CSNK2A2IP: variants seen among roughly 807,000 people sequenced by gnomAD.
CSNK2A2IP encodes casein kinase II subunit alpha'-interacting protein.
At chr3:88,346,888 G>A in the CSNK2A2IP span, among the ~76,000 whole-genome samples, 1 of 151,964 alleles carries the variant, frequency 6.6e-6, no homozygotes, top group Admixed American at 6.6e-5. Context: ...GATTCCTCTG[G>A]TGGGTCTAGG....
At chr3:88,407,445 TGAG>T in the CSNK2A2IP span, among the ~76,000 whole-genome samples, 2 of 152,036 alleles carry the variant, frequency 1.3e-5, no homozygotes. Context: ...GCTAGCAAAA[TGAG>T]GAGTGGACAT....
chr3:88,434,070 T>A, the CSNK2A2IP span, among the ~76,000 whole-genome samples: 1 of 152,050 alleles, frequency 6.6e-6, no homozygotes, highest in Non-Finnish European at 1.5e-5. Flanking sequence ...AAAATTTAGA[T>A]AAAAAAATGA....
chr3:88,350,990 T>A, the CSNK2A2IP span, among the ~76,000 whole-genome samples: 9 of 152,126 alleles, frequency 5.9e-5, no homozygotes, highest in Non-Finnish European at 1.3e-4. Context: ...ATAGAAAATG[T>A]AATTTGAAAC....
At chr3:88,341,961 T>C in the CSNK2A2IP span, among the ~76,000 whole-genome samples, 1 of 151,998 alleles carries the variant, frequency 6.6e-6, no homozygotes, top group South Asian at 2.1e-4. Context: ...TAAATGTCAA[T>C]AGGTATTATT....
chr3:88,416,707 A>T, the CSNK2A2IP span, among the ~76,000 whole-genome samples: 1 of 152,214 alleles, frequency 6.6e-6, no homozygotes, highest in Non-Finnish European at 1.5e-5. Context: ...GCTCAGTTCA[A>T]GACAACATAT....
the CSNK2A2IP span, among the ~76,000 whole-genome samples, chr3:88,405,282 C>A: frequency 6.6e-6 from 1 of 152,118 alleles, no homozygotes; most frequent in Non-Finnish European, 1.5e-5. Context: ...ATAATTTTTT[C>A]TTTAACAGGA....
chr3:88,456,063 G>A, the CSNK2A2IP span, among the ~76,000 whole-genome samples: 1 of 151,900 alleles, frequency 6.6e-6, no homozygotes, highest in African/African-American at 2.4e-5. Context: ...TAGCTTATGT[G>A]TCTAATTTTA....
the CSNK2A2IP span, among the ~76,000 whole-genome samples, chr3:88,385,808 T>C: frequency 1.3e-5 from 2 of 152,134 alleles, no homozygotes; most frequent in African/African-American, 4.8e-5. Context: ...GATGAATTTA[T>C]AAGGTGATTT....
chr3:88,415,935 A>C, the CSNK2A2IP span, among the ~76,000 whole-genome samples: 1 of 152,104 alleles, frequency 6.6e-6, no homozygotes, highest in Non-Finnish European at 1.5e-5. Flanking sequence ...TTCAGAAACA[A>C]AGAAGCCAAA....
chr3:88,457,925 A>C, the CSNK2A2IP span, among the ~76,000 whole-genome samples: 17 of 151,712 alleles, frequency 1.1e-4, no homozygotes, highest in Non-Finnish European at 1.3e-4. Context: ...CTCAAATTCA[A>C]CTTATTTACT....
At chr3:88,354,388 T>G in the CSNK2A2IP span, among the ~76,000 whole-genome samples, 1 of 152,198 alleles carries the variant, frequency 6.6e-6, no homozygotes, top group African/African-American at 2.4e-5. Context: ...ACTATTACTA[T>G]TTTTTAAATC....
chr3:88,465,317 C>A, the CSNK2A2IP span: 2 of 1,190,388 alleles, frequency 1.7e-6, no homozygotes, highest in Non-Finnish European at 1.1e-6. Flanking sequence ...ATCATCCCCA[C>A]AAGCCAACTG....
At chr3:88,396,397 G>A in the CSNK2A2IP span, among the ~76,000 whole-genome samples, 1 of 152,100 alleles carries the variant, frequency 6.6e-6, no homozygotes, top group African/African-American at 2.4e-5. Flanking sequence ...GAGCCACCGC[G>A]CCCGGCCGAC....
chr3:88,460,035 A>T, the CSNK2A2IP span, among the ~76,000 whole-genome samples: 1 of 152,186 alleles, frequency 6.6e-6, no homozygotes, highest in Non-Finnish European at 1.5e-5. Context: ...GCAGTTTCAT[A>T]GAACAAACGG....
At chr3:88,398,588 C>T in the CSNK2A2IP span, among the ~76,000 whole-genome samples, 3 of 152,092 alleles carry the variant, frequency 2.0e-5, no homozygotes, top group African/African-American at 7.2e-5. Context: ...AAACTCTTTC[C>T]ACTCTGCTGG....
chr3:88,381,489 T>C, the CSNK2A2IP span, among the ~76,000 whole-genome samples: 33 of 152,016 alleles, frequency 2.2e-4, no homozygotes, highest in African/African-American at 7.2e-4. Context: ...CTGTTGGAGG[T>C]AGGTGGTGGT....
chr3:88,347,941 CT>C, the CSNK2A2IP span, among the ~76,000 whole-genome samples: 5 of 151,902 alleles, frequency 3.3e-5, no homozygotes, highest in African/African-American at 1.2e-4. Flanking sequence ...TTTTGTTCCT[CT>C]TTTATCTCTC....
At chr3:88,388,434 T>C in the CSNK2A2IP span, among the ~76,000 whole-genome samples, 1 of 152,234 alleles carries the variant, frequency 6.6e-6, no homozygotes, top group Non-Finnish European at 1.5e-5. Flanking sequence ...CAAAATGTAG[T>C]GTCAAAATGT....
At chr3:88,425,410 A>G in the CSNK2A2IP span, among the ~76,000 whole-genome samples, 2 of 152,138 alleles carry the variant, frequency 1.3e-5, no homozygotes, top group African/African-American at 2.4e-5. Context: ...TAATAAAAAT[A>G]TCAGTTTTAG....
Sources: gnomAD v4.1 joint callset for allele counts (sites outside exome capture counted in the v4.1 genomes callset) on GRCh38, gnomAD v4.1.1 for gene constraint, MANE v1.5 for transcripts, NCBI Gene and HGNC (gene_info 2026-07-23, HGNC 2026-07-21) for gene names.